Variants in PTPRD observed in about 807,000 individuals in gnomAD.
PTPRD encodes receptor-type tyrosine-protein phosphatase delta.
A neutral mutation model predicts 214.5 loss-of-function variants in PTPRD; 34 were observed. That is an observed-to-expected ratio of 0.16 (90% confidence interval 0.12 to 0.21). The LOEUF is 0.21. PTPRD is among the 10% of genes least tolerant of loss of function. The pLI is 1.00. For missense variants in PTPRD, 2,545 were observed against 2,398.7 expected, an observed-to-expected ratio of 1.06 and a Z score of -1.27; for synonymous variants, 1,128 against 845.7, an observed-to-expected ratio of 1.33 and a Z score of -5.79.
intron 3 of PTPRD, among the ~76,000 whole-genome samples, chr9:10,203,023 A>G (rs2099437358): frequency 6.6e-6 from 1 of 152,054 alleles, no homozygotes; most frequent in South Asian, 2.1e-4. Context: ...ACTAAGGTAT[A>G]TAGCATAGAT....
intron 9 of PTPRD, among the ~76,000 whole-genome samples, chr9:9,334,668 T>C (rs1013838415): frequency 1.3e-5 from 2 of 151,970 alleles, no homozygotes; most frequent in African/African-American, 4.8e-5. Context: ...TTTTCATTGG[T>C]AGATATCAGA....
chr9:9,405,385 C>T (rs1272893523), intron 8 of PTPRD, among the ~76,000 whole-genome samples: 2 of 151,962 alleles, frequency 1.3e-5, no homozygotes, highest in African/African-American at 2.4e-5. Context: ...GTAGGCAAAG[C>T]AACAATGTCC....
At chr9:10,363,379 C>A (rs568866465) in intron 2 of PTPRD, among the ~76,000 whole-genome samples, 2 of 152,136 alleles carry the variant, frequency 1.3e-5, no homozygotes, top group African/African-American at 2.4e-5. Context: ...GTAAATAAGC[C>A]CTCTGTGCAT....
chr9:10,122,289 T>C (rs927531931), intron 3 of PTPRD, among the ~76,000 whole-genome samples: 1 of 152,152 alleles, frequency 6.6e-6, no homozygotes, highest in Non-Finnish European at 1.5e-5. Context: ...GCCTTGGCAA[T>C]GGAGCAAAAC....
At chr9:8,400,328 T>C (rs186988928) in intron 36 of PTPRD, among the ~76,000 whole-genome samples, 144 of 152,312 alleles carry the variant, frequency 9.5e-4, no homozygotes, top group African/African-American at 3.4e-3. Context: ...CAACAATATT[T>C]AAGGTAAGCA....
chr9:10,337,301 A>G (rs1018743960), intron 3 of PTPRD, among the ~76,000 whole-genome samples: 1 of 151,716 alleles, frequency 6.6e-6, no homozygotes, highest in African/African-American at 2.4e-5. Flanking sequence ...AAGGGTGAGT[A>G]TACATGTATA....
chr9:9,524,172 C>A (rs542689306), intron 8 of PTPRD, among the ~76,000 whole-genome samples: 1 of 152,236 alleles, frequency 6.6e-6, no homozygotes, highest in East Asian at 1.9e-4. Flanking sequence ...CAGAGAGAGA[C>A]AATTTCTGGA....
intron 12 of PTPRD, among the ~76,000 whole-genome samples, chr9:8,717,711 G>A (rs1337521789): frequency 6.6e-6 from 1 of 152,112 alleles, no homozygotes; most frequent in Non-Finnish European, 1.5e-5. Context: ...AGTTGGTGTG[G>A]GGCCTACATG....
intron 7 of PTPRD, among the ~76,000 whole-genome samples, chr9:9,609,605 G>C (rs553890112): frequency 6.6e-6 from 1 of 152,268 alleles, no homozygotes; most frequent in South Asian, 2.1e-4. Flanking sequence ...TGGGATTACA[G>C]ATGTACGCCA....
chr9:10,600,453 A>G (rs145195956), intron 2 of PTPRD, among the ~76,000 whole-genome samples: 2 of 151,906 alleles, frequency 1.3e-5, no homozygotes, highest in African/African-American at 4.8e-5. Flanking sequence ...GCCATACTCA[A>G]CAGATGTTAG....
In PTPRD at chr9:8,925,543, G is replaced by A. The variant is rs191624106; in HGVS notation, c.-104+93154C>T. On this transcript the variant is annotated intron_variant, in intron 11 of 45. Transcript: ENST00000381196. ...AACAAACAAAAAAAACCAACTACAA[G>A]TTGCTAAGCTGTGCCCACCCCCACC... is the stretch of plus-strand genomic sequence containing the variant. 9.8e-4 allele frequency among the ~76,000 whole-genome samples: 149 copies of A among 151,706 alleles called. 1 individual carries two copies. Among genetic ancestry groups the A allele is most frequent in the African/African-American group, 3.4e-3 (141 of 41,368 alleles).
intron 35 of PTPRD, among the ~76,000 whole-genome samples, chr9:8,420,803 C>CTTT (rs3835267): frequency 9.0e-6 from 1 of 111,438 alleles, no homozygotes; most frequent in Non-Finnish European, 1.9e-5. Context: ...GATCATTTTT[C>CTTT]TTTTTTTTTT....
intron 2 of PTPRD, among the ~76,000 whole-genome samples, chr9:10,552,166 G>C (rs1244047229): frequency 3.3e-5 from 5 of 152,242 alleles, no homozygotes; most frequent in African/African-American, 1.2e-4. Context: ...ACTGTTAATG[G>C]AGTTTTGAGG....
chr9:9,572,788 A>G (rs1324909936), intron 8 of PTPRD, among the ~76,000 whole-genome samples: 1 of 151,408 alleles, frequency 6.6e-6, no homozygotes, highest in Non-Finnish European at 1.5e-5. Context: ...CCACATGAGA[A>G]ATAAGAGCAA....
intron 11 of PTPRD, among the ~76,000 whole-genome samples, chr9:8,923,874 T>G (rs993613145): frequency 6.6e-6 from 1 of 152,194 alleles, no homozygotes; most frequent in East Asian, 1.9e-4. Flanking sequence ...AAGCTCTGCC[T>G]TTTTGAGCAA....
intron 9 of PTPRD, among the ~76,000 whole-genome samples, chr9:9,268,769 CT>C (rs1227766884): frequency 3.4e-5 from 5 of 148,302 alleles, no homozygotes; most frequent in Admixed American, 1.4e-4. Context: ...AGGATAGTGT[CT>C]TCAATTATGG....
At chr9:9,965,159 TAA>T (rs1227133342) in intron 4 of PTPRD, among the ~76,000 whole-genome samples, 1 of 152,114 alleles carries the variant, frequency 6.6e-6, no homozygotes, top group East Asian at 1.9e-4. Flanking sequence ...AAACTGCCCT[TAA>T]AAATTGCAAG....
chr9:9,947,706 G>C (rs778300740), intron 4 of PTPRD, among the ~76,000 whole-genome samples: 36 of 127,272 alleles, frequency 2.8e-4, no homozygotes, highest in Non-Finnish European at 4.6e-4. Context: ...TCTGATTTTT[G>C]GTTCTAAGGA....
chr9:9,403,153 T>A (rs2071553333), intron 8 of PTPRD, among the ~76,000 whole-genome samples: 1 of 150,300 alleles, frequency 6.7e-6, no homozygotes, highest in Non-Finnish European at 1.5e-5. Flanking sequence ...TAGCTGGGTG[T>A]GGTGGCACAA....
Sources: allele counts gnomAD v4.1 joint callset (sites outside exome capture counted in the v4.1 genomes callset), GRCh38; gene constraint gnomAD v4.1.1; transcripts MANE v1.5; gene names NCBI Gene and HGNC (gene_info 2026-07-23, HGNC 2026-07-21).